The following SARS1 variants were observed in gnomAD, a reference collection of about 807,000 sequenced individuals.
SARS1 encodes the protein serine--tRNA ligase, cytoplasmic.
A neutral mutation model predicts 63.7 loss-of-function variants in SARS1; 25 were observed. The observed-to-expected ratio is 0.39, with a 90% confidence interval of 0.29 to 0.55. SARS1 has a LOEUF of 0.55. SARS1 is among the 20% of genes least tolerant of loss of function. The pLI is 0.62. For synonymous variants in SARS1, 231 were observed against 243.5 expected, an observed-to-expected ratio of 0.95 and a Z score of 0.48; for missense variants, 417 against 649.7, an observed-to-expected ratio of 0.64 and a Z score of 3.89.
At position 109,214,629 on chromosome 1, in the gene SARS1, T is replaced by G; in HGVS notation, c.136+501T>G. 1.0e-6 allele frequency: 1 copy of G among 985,812 alleles called. No individual in the cohort carries two copies. Among genetic ancestry groups the G allele is most frequent in the Non-Finnish European group, 1.2e-6 (1 of 830,174 alleles). 61.1% of individuals were successfully genotyped at this position (985,812 alleles called of 1,614,324 possible). A position where few individuals can be genotyped will look rare whatever the true frequency, so the allele number is the denominator to read the frequency against. On this transcript the variant is annotated intron_variant, in intron 1 of 10. Transcript: ENST00000234677. The surrounding 1 kb of genome is among the most constrained non-coding windows in gnomAD (Gnocchi z 4.6). ...CGGTATCGGAAGCATTTCGGGGCGTTGGAGGCCGCTCTTGGCCAAAATAAA... is the reference window on the plus strand; with the variant it reads ...CGGTATCGGAAGCATTTCGGGGCGTGGGAGGCCGCTCTTGGCCAAAATAAA...
rs773334661 is a variant in SARS1, at chr1:109,237,424, C to CA, written c.1387+51_1387+52insA. On this transcript the variant is annotated intron_variant, in intron 10 of 10. Coordinates refer to ENST00000234677, the MANE Select transcript of SARS1 (RefSeq NM_006513.4). This position sits in a 1 kb window ranked among gnomAD's most constrained non-coding sequence, Gnocchi z 4.1. ...TTCTCCTCTTTTCTGTCTTCACACT[C>CA]TTCTAAATAGCAGTCCCCTTTCAGG... 6.8e-6 allele frequency: 11 copies of CA among 1,612,534 alleles called. No individual in the cohort carries two copies. The East Asian group carries it at 2.2e-4, about 33-fold the overall frequency.
In SARS1 at chr1:109,236,406, C is replaced by T. The variant is rs1417289901; in HGVS notation, c.1115C>T (p.Ala372Val). 6.3e-7 allele frequency: 1 copy of T among 1,594,024 alleles called. No individual in the cohort carries two copies. The highest frequency in any genetic ancestry group is 8.6e-7 in the Non-Finnish European group (1 of 1,163,492). Reference protein sequence around the residue: ...VNIVSGSLNHAASKKLDLEAW... With the variant: ...VNIVSGSLNHVASKKLDLEAW... ...TTCCTTACAGGTTCTTTGAATCATG[C>T]TGCCAGTAAGAAGCTTGACCTGGAG... The change falls in exon 9 of 11, where the codon GCT (alanine) becomes GTT (valine). Residue 372 changes from alanine (A) to valine (V), a missense_variant. Ala to Val is a moderately conservative substitution (Grantham distance 64). Around this residue, in one of 3 missense-constraint regions of SARS1, gnomAD observed 359 missense variants for 529.6 expected, o/e 0.68. Coordinates refer to ENST00000234677, the MANE Select transcript of SARS1 (RefSeq NM_006513.4).
intron 1 of SARS1, among the ~76,000 whole-genome samples, chr1:109,221,977 TATATATATATATATA>T: frequency 2.6e-4 from 1 of 3,782 alleles, no homozygotes; most frequent in Non-Finnish European, 6.6e-4. Context: ...TGTGTATATA[TATATATATATATATA>T]TATATATATA....
intron 6 of SARS1, among the ~76,000 whole-genome samples, chr1:109,232,188 A>C (rs550196850): frequency 6.6e-6 from 1 of 152,168 alleles, no homozygotes; most frequent in Admixed American, 6.5e-5. Flanking sequence ...CCCACTCCTA[A>C]CCCCAGACTG....
chr1:109,229,353 A>T, intron 3 of SARS1, 61 bp from the exon 4 acceptor site: 1 of 1,554,720 alleles, frequency 6.4e-7, no homozygotes, highest in African/African-American at 1.4e-5. Context: ...CAACCGAATC[A>T]TATTCCTGTG....
intron 4 of SARS1, 52 bp downstream of exon 4, chr1:109,229,624 CA>C: frequency 6.4e-7 from 1 of 1,574,354 alleles, no homozygotes; most frequent in Non-Finnish European, 8.7e-7. Flanking sequence ...GCTGTCTCTG[CA>C]GGGGCGGGGA....
chr1:109,226,691 TATATATACACACAC>T (rs1655090407), intron 2 of SARS1, among the ~76,000 whole-genome samples: 4 of 48,714 alleles, frequency 8.2e-5, no homozygotes, highest in East Asian at 9.3e-4. Context: ...TATATATATA[TATATATACACACAC>T]ACACACACAC....
At chr1:109,215,762 G>A in intron 1 of SARS1, 2 of 642,946 alleles carry the variant, frequency 3.1e-6, no homozygotes, top group Non-Finnish European at 3.9e-6. Flanking sequence ...TTGGAGTGCA[G>A]TGGCACCATC....
chr1:109,231,639 G>A lies in SARS1; in HGVS notation c.600G>A (p.Leu200=). 6.5e-7 allele frequency: 1 copy of A among 1,535,018 alleles called. No individual in the cohort carries two copies. The highest frequency in any genetic ancestry group is 2.5e-5 in the East Asian group (1 of 40,292). The change falls in exon 6 of 11, where the codon CTG becomes CTA. Residue 200 remains leucine (L), a synonymous_variant. Transcript: ENST00000234677. ...TGTCTCTGCTCCTCTAGGGGGTCCT[G>A]GTGTTCCTGGAACAGGCTCTCATCC... ...GSRGYFLKGV[L]VFLEQALIQY...
In SARS1 at chr1:109,221,954, A is replaced by T. The variant is rs1570755449; in HGVS notation, c.137-2024A>T. 6.7e-5 allele frequency among the ~76,000 whole-genome samples: 6 copies of T among 89,284 alleles called. 1 individual carries two copies. The highest frequency in any genetic ancestry group is 2.8e-4 in the Admixed American group (2 of 7,196). 58.6% of individuals were successfully genotyped at this position (89,284 alleles called of 152,430 possible). ...AGGCACACACCACCATGCTCAGCTAATTTTTTTGTGTGTGTGTATATATAT... is the reference window on the plus strand; with the variant it reads ...AGGCACACACCACCATGCTCAGCTATTTTTTTTGTGTGTGTGTATATATAT... On this transcript the variant is annotated intron_variant, in intron 1 of 10. Transcript: ENST00000234677.
At chr1:109,228,225 T>C (rs918400610) in intron 2 of SARS1, 127 bp from the exon 3 acceptor site, 2 of 731,284 alleles carry the variant, frequency 2.7e-6, no homozygotes, top group East Asian at 5.7e-5. Context: ...GTTGTATCTT[T>C]TAGAAAAATT....
chr1:109,215,946 C>T (rs188280505), intron 1 of SARS1: 10,760 of 738,348 alleles, frequency 0.015, 101 homozygotes, highest in Non-Finnish European at 0.016. Flanking sequence ...TCAAGTGATC[C>T]GCCTGCCTCA....
intron 1 of SARS1, among the ~76,000 whole-genome samples, chr1:109,221,146 C>T (rs55723005): frequency 0.057 from 8,617 of 151,766 alleles, 320 homozygotes; most frequent in South Asian, 0.11. Context: ...CTGCAACCTC[C>T]ACCTCCCAGG....
At chr1:109,215,100 TTTTCTCC>T (rs1654755212) in intron 1 of SARS1, 2 of 985,328 alleles carry the variant, frequency 2.0e-6, no homozygotes, top group Middle Eastern at 5.2e-4. Flanking sequence ...GGAAAATTGA[TTTTCTCC>T]TGTTTATAAG....
In SARS1 at chr1:109,218,406, C is replaced by CTT. The variant is rs34756917; in HGVS notation, c.136+4295_136+4296dup. 8.3e-3 allele frequency among the ~76,000 whole-genome samples: 986 copies of CTT among 118,620 alleles called. 16 individuals are homozygous for CTT. The highest frequency in any genetic ancestry group is 0.023 in the African/African-American group (720 of 31,764). 77.8% of individuals were successfully genotyped at this position (118,620 alleles called of 152,430 possible). ...TTACTGAAACTACTGAGATATTTTA[C>CTT]TTTTTTTTTTTTTTTTTTGGTACAA... On this transcript the variant is annotated intron_variant, in intron 1 of 10. Transcript: ENST00000234677.
chr1:109,215,507 T>G, intron 1 of SARS1: 1 of 984,726 alleles, frequency 1.0e-6, no homozygotes. Flanking sequence ...TGGATATACA[T>G]ATACACATTT....
intron 2 of SARS1, among the ~76,000 whole-genome samples, chr1:109,225,216 T>C (rs763010653): frequency 3.3e-4 from 51 of 152,340 alleles, no homozygotes; most frequent in South Asian, 2.3e-3. Flanking sequence ...ACTTTGGAAC[T>C]GCACCAGTAA....
chr1:109,220,241 AG>A (rs1236023484), intron 1 of SARS1, among the ~76,000 whole-genome samples: 1 of 152,232 alleles, frequency 6.6e-6, no homozygotes, highest in African/African-American at 2.4e-5. Context: ...ACCAAGGAGT[AG>A]AATTGCTGGA....
At chr1:109,223,955 A>T (rs1014621069) in intron 1 of SARS1, 23 bp from the exon 2 acceptor site, 1 of 1,562,244 alleles carries the variant, frequency 6.4e-7, no homozygotes, top group Non-Finnish European at 8.8e-7. Flanking sequence ...TCTTTGGTAT[A>T]GTCTTGGATT....
Sources: allele counts gnomAD v4.1 joint callset (sites outside exome capture counted in the v4.1 genomes callset), GRCh38; gene constraint gnomAD v4.1.1; regional missense constraint gnomAD v4.1.1; non-coding constraint Gnocchi (gnomAD v3.1); transcripts MANE v1.5; gene names NCBI Gene and HGNC (gene_info 2026-07-23, HGNC 2026-07-21).